CAB39L: variants seen among roughly 807,000 people sequenced by gnomAD.
CAB39L encodes calcium binding protein 39 like.
CAB39L carries 23 observed loss-of-function variants against 39.1 expected under a neutral mutation model. The observed-to-expected ratio is 0.59, with a 90% CI of 0.42 to 0.83. The LOEUF is 0.83. Among genes scored for constraint, CAB39L ranks in the 40% least tolerant of loss-of-function variants. The pLI, the probability that CAB39L is intolerant of heterozygous loss-of-function variation, is 0.00. For synonymous variants in CAB39L, 126 were observed against 137.2 expected (o/e 0.92, Z 0.57); for missense variants, 366 against 391.9 (o/e 0.93, Z 0.56).
intron 10 of CAB39L, among the ~76,000 whole-genome samples, chr13:49,321,228 T>A (rs1954330017): frequency 6.6e-6 from 1 of 152,236 alleles, no homozygotes; most frequent in African/African-American, 2.4e-5. Flanking sequence ...CTTGTGCACG[T>A]CACTATTTGT....
chr13:49,424,597 A>G (rs570322992), intron 3 of CAB39L, among the ~76,000 whole-genome samples: 1 of 152,352 alleles, frequency 6.6e-6, no homozygotes, highest in East Asian at 1.9e-4. Flanking sequence ...TAGTTCATTA[A>G]TTGTAACATG....
At chr13:49,435,308 T>C (rs1957390917) in intron 1 of CAB39L, among the ~76,000 whole-genome samples, 1 of 152,234 alleles carries the variant, frequency 6.6e-6, no homozygotes, top group African/African-American at 2.4e-5. Flanking sequence ...CAAATGCAAG[T>C]AATATGCTGC....
At chr13:49,442,520 C>T (rs562702340) in intron 1 of CAB39L, among the ~76,000 whole-genome samples, 7 of 152,060 alleles carry the variant, frequency 4.6e-5, no homozygotes, top group South Asian at 2.1e-4. Context: ...GGCCAGGTGC[C>T]GTGGCTCACA....
chr13:49,416,005 A>T (rs1055721019), intron 3 of CAB39L, among the ~76,000 whole-genome samples: 1 of 152,156 alleles, frequency 6.6e-6, no homozygotes, highest in African/African-American at 2.4e-5. Flanking sequence ...TTTGTCCTAC[A>T]AAGCAAATAA....
chr13:49,441,129 T>C (rs906373170), intron 1 of CAB39L, among the ~76,000 whole-genome samples: 1 of 151,332 alleles, frequency 6.6e-6, no homozygotes, highest in Non-Finnish European at 1.5e-5. Flanking sequence ...GTCATTTTCA[T>C]CTGCTTTGTG....
intron 2 of CAB39L, among the ~76,000 whole-genome samples, 171 bp downstream of exon 2, chr13:49,433,915 C>G (rs185047941): frequency 6.6e-6 from 1 of 152,310 alleles, no homozygotes; most frequent in Admixed American, 6.5e-5. Flanking sequence ...TTGCTTTTAA[C>G]AACATCATGA....
chr13:49,415,745 G>T (rs1957075107), intron 3 of CAB39L, among the ~76,000 whole-genome samples: 1 of 152,160 alleles, frequency 6.6e-6, no homozygotes, highest in Admixed American at 6.5e-5. Flanking sequence ...AGGGCAGGAT[G>T]TTGGTGTGTT....
At chr13:49,372,646 C>T (rs1177236004) in intron 5 of CAB39L, among the ~76,000 whole-genome samples, 10 of 152,116 alleles carry the variant, frequency 6.6e-5, no homozygotes, top group African/African-American at 2.4e-4. Context: ...CCCTTCTTCA[C>T]TCAACTTGTT....
rs144706595 is a variant in CAB39L at position 49,335,598 on chromosome 13, A to G, written c.691-3508T>C. 3.5e-3 allele frequency among the ~76,000 whole-genome samples: 531 copies of G among 152,334 alleles called. 5 individuals carry two copies. The highest frequency in any genetic ancestry group is 0.012 in the African/African-American group (496 of 41,586). ...TCTTATTTTGTATGCCTCATAGTAC[A>G]TAGTTAAGCCATGCAGCAAGTGGAA... On this transcript the variant is annotated intron_variant, in intron 9 of 10. Coordinates refer to ENST00000409308, the MANE Select transcript of CAB39L (RefSeq NM_001079670.3).
At chr13:49,431,478 G>A (rs139139039) in intron 3 of CAB39L, among the ~76,000 whole-genome samples, 16 of 152,130 alleles carry the variant, frequency 1.1e-4, no homozygotes, top group African/African-American at 2.6e-4. Flanking sequence ...AGGTCAAGGC[G>A]GGTGGATCAC....
rs769938947 is a variant in CAB39L, at chr13:49,434,120, G to T, written c.-142C>A. On this transcript the variant is annotated 5_prime_UTR_variant, in exon 2 of 11. Coordinates refer to ENST00000409308, the MANE Select transcript of CAB39L (RefSeq NM_001079670.3). The stretch of plus-strand genomic sequence containing the variant: ...CTTTAGTGCATTGCTCTTGCATGAA[G>T]AATGAACAAACCACTGATTTGGGGT... 14 of 456,328 alleles carry T rather than the reference G, an allele frequency of 3.1e-5. No individual in the cohort carries two copies. Among genetic ancestry groups the T allele is most frequent in the South Asian group, 2.2e-4 (14 of 64,440 alleles). 28.3% of individuals were successfully genotyped at this position (456,328 alleles called of 1,614,324 possible).
chr13:49,368,575 G>T (rs1338041521), intron 5 of CAB39L, among the ~76,000 whole-genome samples: 3 of 152,098 alleles, frequency 2.0e-5, no homozygotes, highest in African/African-American at 7.2e-5. Flanking sequence ...AAATATATTT[G>T]ATAATAAAGA....
At chr13:49,387,058 A>G (rs1370306338) in intron 3 of CAB39L, among the ~76,000 whole-genome samples, 1 of 152,200 alleles carries the variant, frequency 6.6e-6, no homozygotes, top group East Asian at 1.9e-4. Context: ...CCTCTAGTTG[A>G]TTGTAACTGA....
At chr13:49,427,391 T>G (rs1002046310) in intron 3 of CAB39L, among the ~76,000 whole-genome samples, 4 of 152,118 alleles carry the variant, frequency 2.6e-5, no homozygotes, top group Non-Finnish European at 5.9e-5. Flanking sequence ...CTTAAAATAT[T>G]TGTTGCTGGG....
intron 9 of CAB39L, among the ~76,000 whole-genome samples, chr13:49,334,506 G>A (rs1337187484): frequency 6.6e-6 from 1 of 152,090 alleles, no homozygotes; most frequent in Non-Finnish European, 1.5e-5. Flanking sequence ...TTCTCTGCCT[G>A]TTCAAACCTG....
At chr13:49,389,764 G>C (rs1956447839) in intron 3 of CAB39L, among the ~76,000 whole-genome samples, 1 of 152,196 alleles carries the variant, frequency 6.6e-6, no homozygotes. Flanking sequence ...TTTCACAGCT[G>C]TGTAGTGTGA....
chr13:49,310,963 G>A lies in CAB39L; in HGVS notation c.865C>T (p.Pro289Ser), dbSNP rs769069666. Residue 289 changes from proline (P) to serine (S), a missense_variant, in exon 11 of 11, where the codon CCT (proline) becomes TCT (serine). Coordinates refer to ENST00000409308, the MANE Select transcript of CAB39L (RefSeq NM_001079670.3). Reference protein sequence around the residue: ...VFVASPHKTQPIVEILLKNQP... With the variant: ...VFVASPHKTQSIVEILLKNQP... Reference sequence around the variant, plus strand: ...TTTTTTAACAGGATCTCCACAATAGGCTGTGTTTTGTGAGGACTGGCCACA... The same window carrying A: ...TTTTTTAACAGGATCTCCACAATAGACTGTGTTTTGTGAGGACTGGCCACA... The A allele has an allele frequency of 1.5e-5, 24 of 1,613,782 alleles. No homozygotes were observed. In the South Asian group the frequency reaches 2.6e-4, roughly 18 times the overall value.
At chr13:49,430,377 A>T (rs1957303194) in intron 3 of CAB39L, among the ~76,000 whole-genome samples, 3 of 152,172 alleles carry the variant, frequency 2.0e-5, no homozygotes, top group Non-Finnish European at 4.4e-5. Flanking sequence ...AAAAGAGACA[A>T]AACAGCTCCC....
intron 9 of CAB39L, among the ~76,000 whole-genome samples, chr13:49,332,555 C>G (rs1954738246): frequency 6.6e-6 from 1 of 151,964 alleles, no homozygotes; most frequent in Non-Finnish European, 1.5e-5. Context: ...TATTATAAAA[C>G]CTGATATAAA....
Sources: gnomAD v4.1 joint callset for allele counts (sites outside exome capture counted in the v4.1 genomes callset) on GRCh38, gnomAD v4.1.1 for gene constraint, MANE v1.5 for transcripts, NCBI Gene and HGNC (gene_info 2026-07-23, HGNC 2026-07-21) for gene names.